RWDD1: variants seen among roughly 807,000 people sequenced by gnomAD.
The protein encoded by RWDD1 is RWD domain-containing protein 1.
RWDD1 carries 17 observed loss-of-function variants against 31.6 expected under a neutral mutation model. The observed-to-expected ratio is 0.54, with a 90% CI of 0.37 to 0.81. The LOEUF (loss-of-function observed/expected upper bound fraction) is 0.81. Among genes scored for constraint, RWDD1 ranks in the 30% least tolerant of loss-of-function variants. RWDD1 has a pLI of 0.00. For synonymous variants in RWDD1, 78 were observed against 94.2 expected, an observed-to-expected ratio of 0.83 and a Z score of 0.99; for missense variants, 204 against 274.5, an observed-to-expected ratio of 0.74 and a Z score of 1.82.
Position 116,571,506 on chromosome 6 carries a change from C to G in RWDD1, c.-77C>G. ...CGCCCGCCTGGCCGCCGCCCGCTCT[C>G]CCGGCGCGGCAGCTGTCTGGGCTGC... On this transcript the variant is annotated 5_prime_UTR_variant, in exon 1 of 7. Coordinates refer to ENST00000466444, the MANE Select transcript of RWDD1 (RefSeq NM_015952.4). 1 of 1,476,318 alleles carries G rather than the reference C, an allele frequency of 6.8e-7. No individual in the cohort carries two copies. Among genetic ancestry groups the G allele is most frequent in the Non-Finnish European group, 9.1e-7 (1 of 1,094,996 alleles). 91.5% of individuals were successfully genotyped at this position (1,476,318 alleles called of 1,614,324 possible).
rs957396033 is a variant in RWDD1, at chr6:116,574,386, G to C, written c.73+2731G>C. Among the ~76,000 whole-genome samples, 130 of 152,294 alleles carry C rather than the reference G, an allele frequency of 8.5e-4. 2 individuals carry two copies. Among genetic ancestry groups the C allele is most frequent in the Non-Finnish European group, 8.8e-5 (6 of 68,020 alleles). On this transcript the variant is annotated intron_variant, in intron 1 of 6. Coordinates refer to ENST00000466444, the MANE Select transcript of RWDD1 (RefSeq NM_015952.4). ...CAGTTATAATTGTATCTTGAGATAG[G>C]TAAGAAGTCGTCCTGTAAAAGCAGT...
At chr6:116,590,439 C>T in intron 5 of RWDD1, 35 bp downstream of exon 5, 3 of 1,542,000 alleles carry the variant, frequency 1.9e-6, no homozygotes, top group Non-Finnish European at 2.6e-6. Context: ...TCTTCCTAAA[C>T]CCTCCTGTAT....
rs1775240432 is a variant in RWDD1 at position 116,596,474 on chromosome 6, C to A, written c.*3373C>A. 6.6e-6 allele frequency: 1 copy of A among 152,074 alleles called. No individual in the cohort carries two copies. The highest frequency in any genetic ancestry group is 2.1e-4 in the South Asian group (1 of 4,826). 9.4% of individuals were successfully genotyped at this position (152,074 alleles called of 1,614,324 possible). On this transcript the variant is annotated 3_prime_UTR_variant, in exon 7 of 7. Coordinates refer to ENST00000466444, the MANE Select transcript of RWDD1 (RefSeq NM_015952.4). ...TGTGTCAGAGGATGGATGATGGGGT[C>A]ATTTAAATTGTTGGACAAAGCCATG...
At chr6:116,575,182 G>A (rs561140087) in intron 1 of RWDD1, among the ~76,000 whole-genome samples, 2 of 151,700 alleles carry the variant, frequency 1.3e-5, no homozygotes, top group African/African-American at 4.8e-5. Flanking sequence ...CACCTCCCAG[G>A]TTCAAGCAAT....
intron 1 of RWDD1, among the ~76,000 whole-genome samples, chr6:116,573,523 T>C (rs1774784755): frequency 6.6e-6 from 1 of 152,246 alleles, no homozygotes; most frequent in Admixed American, 6.5e-5. Context: ...AACTTTGCCT[T>C]CCTAGTGATC....
intron 1 of RWDD1, among the ~76,000 whole-genome samples, chr6:116,579,781 T>A (rs919272588): frequency 5.9e-5 from 9 of 152,138 alleles, no homozygotes; most frequent in African/African-American, 1.9e-4. Context: ...TGAAAGAAAG[T>A]TTGGTTTTAG....
chr6:116,597,267 G>GGAA lies in RWDD1; in HGVS notation c.*4166_*4167insGAA, dbSNP rs1775253337. ...AAGAGGTTCTACTCAGTCCACCAAA[G>GGAA]CTTTTTAATTTCCTTACATAATTAA... On this transcript the variant is annotated 3_prime_UTR_variant, in exon 7 of 7. Transcript: ENST00000466444. 1 of 152,050 alleles carries GGAA rather than the reference G, an allele frequency of 6.6e-6. No homozygotes were observed. Among genetic ancestry groups the GGAA allele is most frequent in the Non-Finnish European group, 1.5e-5 (1 of 68,004 alleles). The allele number at this position is 152,050 out of a possible 1,614,324, so 9.4% of individuals were successfully genotyped here.
intron 2 of RWDD1, among the ~76,000 whole-genome samples, chr6:116,583,299 A>G (rs1583332680): frequency 6.6e-6 from 1 of 152,152 alleles, no homozygotes; most frequent in Non-Finnish European, 1.5e-5. Flanking sequence ...CCTTTGTCTC[A>G]AGATATTTTT....
Position 116,594,272 on chromosome 6 carries a change from A to C in RWDD1, c.*1171A>C, listed in dbSNP as rs1428073940. ...ACCACCACACTGGGGATTAAATTTC[A>C]ATGTGGGATTTGGAGAGGACAAATA... On this transcript the variant is annotated 3_prime_UTR_variant, in exon 7 of 7. Coordinates refer to ENST00000466444, the MANE Select transcript of RWDD1 (RefSeq NM_015952.4). 2.0e-5 allele frequency: 3 copies of C among 152,098 alleles called. No individual in the cohort carries two copies. The highest frequency in any genetic ancestry group is 6.5e-5 in the Admixed American group (1 of 15,270). The allele number at this position is 152,098 out of a possible 1,614,324, so 9.4% of individuals were successfully genotyped here.
rs1775233215 is a variant in RWDD1, at chr6:116,595,899, TG to T, written c.*2799del. 2 of 152,238 alleles carry T rather than the reference TG, an allele frequency of 1.3e-5. No homozygotes were observed. Among genetic ancestry groups the T allele is most frequent in the Admixed American group, 1.3e-4 (2 of 15,280 alleles). 9.4% of individuals were successfully genotyped at this position (152,238 alleles called of 1,614,324 possible). A position where few individuals can be genotyped will look rare whatever the true frequency, so the allele number is the denominator to read the frequency against. On this transcript the variant is annotated 3_prime_UTR_variant, in exon 7 of 7. Coordinates refer to ENST00000466444, the MANE Select transcript of RWDD1 (RefSeq NM_015952.4). The stretch of plus-strand genomic sequence containing the variant: ...CTAAGGCAACACGTCTAAATGGTTA[TG>T]TGAACATTTCCCAGTTGGGGTAAAA...
intron 1 of RWDD1, among the ~76,000 whole-genome samples, chr6:116,572,042 T>C (rs985072688): frequency 1.3e-5 from 2 of 152,078 alleles, no homozygotes; most frequent in African/African-American, 4.8e-5. Context: ...TTTATTAAGG[T>C]AGAAACTGTT....
In RWDD1 at chr6:116,588,648, A is replaced by G. The variant is rs185497449; in HGVS notation, c.271-194A>G. Among the ~76,000 whole-genome samples the G allele has an allele frequency of 5.9e-5, 9 of 152,202 alleles. No individual in the cohort carries two copies. The East Asian group carries it at 1.5e-3, about 26-fold the overall frequency. On this transcript the variant is annotated intron_variant, in intron 3 of 6. Transcript: ENST00000466444. ...TAAACAGAATTTGCTGAAACACAGTATCTGTTTCAGGTTGGATATGGCACA... is the reference window on the plus strand; with the variant it reads ...TAAACAGAATTTGCTGAAACACAGTGTCTGTTTCAGGTTGGATATGGCACA...
rs756769090 is a variant in RWDD1, at chr6:116,597,221, AAGAG to A, written c.*4126_*4129del. 3 of 152,194 alleles carry A rather than the reference AAGAG, an allele frequency of 2.0e-5. No homozygotes were observed. The highest frequency in any genetic ancestry group is 2.9e-5 in the Non-Finnish European group (2 of 68,030). 9.4% of individuals were successfully genotyped at this position (152,194 alleles called of 1,614,324 possible). A position where few individuals can be genotyped will look rare whatever the true frequency, so the allele number is the denominator to read the frequency against. ...ATGTTTTTAAGTAATTGAAGTAAAA[AAGAG>A]AGAGAAAGAGAGAGAGAAGAGGTTC... On this transcript the variant is annotated 3_prime_UTR_variant, in exon 7 of 7. Coordinates refer to ENST00000466444, the MANE Select transcript of RWDD1 (RefSeq NM_015952.4).
chr6:116,575,365 C>T (rs72965106), intron 1 of RWDD1, among the ~76,000 whole-genome samples: 3,485 of 152,146 alleles, frequency 0.023, 66 homozygotes, highest in Middle Eastern at 0.096. Flanking sequence ...GGATTATAAG[C>T]GTGAGTCACC....
At chr6:116,586,028 A>G (rs1775034012) in intron 3 of RWDD1, among the ~76,000 whole-genome samples, 2 of 152,138 alleles carry the variant, frequency 1.3e-5, no homozygotes, top group South Asian at 4.1e-4. Flanking sequence ...GTCGTACCTT[A>G]ATGTAAATTA....
intron 2 of RWDD1, among the ~76,000 whole-genome samples, chr6:116,582,621 C>T (rs935192897): frequency 6.6e-6 from 1 of 152,064 alleles, no homozygotes; most frequent in Admixed American, 6.5e-5. Context: ...GATATCTCCC[C>T]ATCCCTGATA....
At chr6:116,582,785 T>C (rs1368342275) in intron 2 of RWDD1, among the ~76,000 whole-genome samples, 1 of 152,028 alleles carries the variant, frequency 6.6e-6, no homozygotes, top group Non-Finnish European at 1.5e-5. Flanking sequence ...TTCCTTGTGC[T>C]GATTTTACAC....
At chr6:116,582,785 T>G (rs1368342275) in intron 2 of RWDD1, among the ~76,000 whole-genome samples, 4 of 152,028 alleles carry the variant, frequency 2.6e-5, no homozygotes, top group African/African-American at 9.7e-5. Context: ...TTCCTTGTGC[T>G]GATTTTACAC....
intron 2 of RWDD1, among the ~76,000 whole-genome samples, chr6:116,581,735 T>C (rs942467784): frequency 6.6e-6 from 1 of 152,102 alleles, no homozygotes; most frequent in African/African-American, 2.4e-5. Context: ...TTATGCTGTT[T>C]GGAATATGAA....
Sources: gnomAD v4.1 joint callset for allele counts (sites outside exome capture counted in the v4.1 genomes callset) on GRCh38, gnomAD v4.1.1 for gene constraint, MANE v1.5 for transcripts, NCBI Gene and HGNC (gene_info 2026-07-23, HGNC 2026-07-21) for gene names.